MDGA2: variants seen among roughly 807,000 people sequenced by gnomAD.
MDGA2 encodes the protein MAM domain-containing glycosylphosphatidylinositol anchor protein 2.
In MDGA2, 40 loss-of-function variants were observed where a neutral mutation model predicts 117.8. The observed-to-expected ratio is 0.34, with a 90% confidence interval of 0.26 to 0.44. The LOEUF is 0.44. Ranked by LOEUF, MDGA2 falls within the 20% of genes least tolerant of loss-of-function variation. The probability of loss-of-function intolerance (pLI) is 1.00; values close to 1 mark genes in which losing one functional copy is unlikely to be tolerated. For synonymous variants in MDGA2, 452 were observed against 439.0 expected (o/e 1.03, Z -0.37); for missense variants, 1,123 against 1,250.6 (o/e 0.90, Z 1.54).
At position 46,938,540 on chromosome 14, in the gene MDGA2, C is replaced by CAAAAAAAAAAA. The variant is rs71112472; in HGVS notation, c.2090-18391_2090-18381dup. Among the ~76,000 whole-genome samples, 149 of 26,880 alleles carry CAAAAAAAAAAA rather than the reference C, an allele frequency of 5.5e-3. 2 individuals carry two copies. Among genetic ancestry groups the CAAAAAAAAAAA allele is most frequent in the African/African-American group, 9.1e-3 (97 of 10,718 alleles). 17.6% of individuals were successfully genotyped at this position (26,880 alleles called of 152,430 possible). On this transcript the variant is annotated intron_variant, in intron 9 of 16. Transcript: ENST00000399232. ...GGGCAACAAGAACGAAAATCCATCT[C>CAAAAAAAAAAA]AAAAAAAAAAAAAAAAAAAAGAGAC...
At chr14:47,215,351 T>G (rs1886047558) in intron 3 of MDGA2, among the ~76,000 whole-genome samples, 1 of 152,120 alleles carries the variant, frequency 6.6e-6, no homozygotes, top group African/African-American at 2.4e-5. Context: ...TATAATTCAA[T>G]TTTAGACACC....
At chr14:46,867,149 C>A (rs543712815) in intron 14 of MDGA2, among the ~76,000 whole-genome samples, 41 of 152,228 alleles carry the variant, frequency 2.7e-4, no homozygotes, top group African/African-American at 9.9e-4. Flanking sequence ...ACCCAAATGT[C>A]CAACAATGAT....
intron 3 of MDGA2, among the ~76,000 whole-genome samples, chr14:47,188,526 T>C (rs1884994253): frequency 1.3e-5 from 2 of 152,132 alleles, no homozygotes; most frequent in South Asian, 4.1e-4. Context: ...CAGCCTTACG[T>C]GAGACTCTAA....
intron 9 of MDGA2, among the ~76,000 whole-genome samples, chr14:46,955,943 G>A (rs1015070296): frequency 1.3e-5 from 2 of 152,016 alleles, no homozygotes; most frequent in Non-Finnish European, 2.9e-5. Context: ...TAGATTCAAA[G>A]TTTCGAGTCA....
chr14:46,905,489 G>T (rs1030889493), intron 10 of MDGA2, among the ~76,000 whole-genome samples: 1 of 152,052 alleles, frequency 6.6e-6, no homozygotes, highest in Non-Finnish European at 1.5e-5. Context: ...CCAATTTGTG[G>T]TATTATGCAT....
intron 3 of MDGA2, among the ~76,000 whole-genome samples, chr14:47,155,875 T>C (rs1883350181): frequency 1.4e-5 from 1 of 71,476 alleles, no homozygotes; most frequent in Non-Finnish European, 2.6e-5. Context: ...TCTTTTCTTT[T>C]CTTCTTCTTC....
chr14:47,295,931 A>T (rs1594779266), intron 2 of MDGA2, among the ~76,000 whole-genome samples: 1 of 132,426 alleles, frequency 7.6e-6, no homozygotes, highest in East Asian at 2.1e-4. Context: ...GATAGATGAT[A>T]AGATAGATAG....
chr14:47,250,517 A>G (rs1321343882), intron 2 of MDGA2, among the ~76,000 whole-genome samples: 1 of 152,180 alleles, frequency 6.6e-6, no homozygotes, highest in African/African-American at 2.4e-5. Context: ...TAATTAGGTC[A>G]TGAGGATGGA....
chr14:46,918,128 GAAGA>G (rs769268602), intron 10 of MDGA2, among the ~76,000 whole-genome samples: 36 of 152,132 alleles, frequency 2.4e-4, no homozygotes, highest in Non-Finnish European at 3.8e-4. Context: ...CGTAACTGAG[GAAGA>G]AAGTAAGAAA....
intron 3 of MDGA2, among the ~76,000 whole-genome samples, chr14:47,202,118 T>C (rs990187596): frequency 6.6e-6 from 1 of 152,214 alleles, no homozygotes; most frequent in African/African-American, 2.4e-5. Context: ...TTTATTGAGT[T>C]CTTACCATGT....
At chr14:47,024,082 CAT>C (rs753125172) in intron 8 of MDGA2, among the ~76,000 whole-genome samples, 5 of 152,120 alleles carry the variant, frequency 3.3e-5, no homozygotes, top group Non-Finnish European at 5.9e-5. Flanking sequence ...ATAAGACAGA[CAT>C]AGACAGATAG....
chr14:47,250,424 G>A lies in MDGA2; in HGVS notation c.421-32229C>T, dbSNP rs1364612356. On this transcript the variant is annotated intron_variant, in intron 2 of 16. Coordinates refer to ENST00000399232, the MANE Select transcript of MDGA2 (RefSeq NM_001113498.3). ...GTTAATACACTCTTTACTATGGACT[G>A]AATGTGTATGTACCCACAAAGGTCA... 2.6e-5 allele frequency among the ~76,000 whole-genome samples: 4 copies of A among 152,154 alleles called. No homozygotes were observed. The East Asian group carries it at 7.7e-4, about 29-fold the overall frequency.
chr14:47,289,835 G>A (rs1015591185), intron 2 of MDGA2, among the ~76,000 whole-genome samples: 7 of 152,008 alleles, frequency 4.6e-5, no homozygotes, highest in African/African-American at 1.7e-4. Flanking sequence ...AGATTTCACA[G>A]AGAGACATCT....
At position 46,985,047 on chromosome 14, in the gene MDGA2, G is replaced by A. The variant is rs1172949094; in HGVS notation, c.1820-27404C>T. Among the ~76,000 whole-genome samples the A allele has an allele frequency of 2.6e-5, 4 of 151,954 alleles. No individual in the cohort carries two copies. In the South Asian group the frequency reaches 6.2e-4, roughly 24 times the overall value. On this transcript the variant is annotated intron_variant, in intron 8 of 16. Transcript: ENST00000399232. ...AGAGAATTAGACAGCAGTAAAAGAA[G>A]AATAGAGTAGAGCTACAGACATGGA...
At chr14:47,650,590 G>A (rs1208401897) in intron 1 of MDGA2, among the ~76,000 whole-genome samples, 6 of 152,128 alleles carry the variant, frequency 3.9e-5, no homozygotes, top group Admixed American at 3.9e-4. Context: ...TGCACCCTGT[G>A]ATGGAAAGGC....
chr14:46,975,934 C>G (rs1539218), intron 8 of MDGA2, among the ~76,000 whole-genome samples: 86,561 of 151,876 alleles, frequency 0.57, 25,458 homozygotes, highest in Non-Finnish European at 0.62. Flanking sequence ...CGATTCTTTA[C>G]AGCTCTGACC....
Position 47,384,366 on chromosome 14 carries a change from T to A in MDGA2, c.281-82816A>T, listed in dbSNP as rs551681898. Among the ~76,000 whole-genome samples the A allele has an allele frequency of 5.3e-5, 8 of 151,464 alleles. No homozygotes were observed. In the South Asian group the frequency reaches 1.7e-3, roughly 32 times the overall value. On this transcript the variant is annotated intron_variant, in intron 1 of 16. Coordinates refer to ENST00000399232, the MANE Select transcript of MDGA2 (RefSeq NM_001113498.3). ...TACAACCTCATTTTGATACTAAACCTCATAATAATCTTAAAGTCTAGAACA... is the reference window on the plus strand; with the variant it reads ...TACAACCTCATTTTGATACTAAACCACATAATAATCTTAAAGTCTAGAACA...
intron 1 of MDGA2, among the ~76,000 whole-genome samples, chr14:47,537,574 T>A (rs113680961): frequency 0.32 from 11,695 of 36,430 alleles, 1,875 homozygotes; most frequent in East Asian, 0.43. Flanking sequence ...TTCTCTCTGT[T>A]AAAAAAAAAA....
At chr14:46,916,778 CA>C (rs941369663) in intron 10 of MDGA2, among the ~76,000 whole-genome samples, 2 of 152,004 alleles carry the variant, frequency 1.3e-5, no homozygotes, top group African/African-American at 4.8e-5. Context: ...AAAGATACAT[CA>C]AAGTTTTCTC....
Sources: allele counts gnomAD v4.1 joint callset (sites outside exome capture counted in the v4.1 genomes callset), GRCh38; gene constraint gnomAD v4.1.1; transcripts MANE v1.5; gene names NCBI Gene and HGNC (gene_info 2026-07-23, HGNC 2026-07-21).